The following GSE1 variants were observed in gnomAD, a reference collection of about 807,000 sequenced individuals.
The protein encoded by GSE1 is genetic suppressor element 1.
Under a neutral mutation model 112.6 loss-of-function variants are expected in GSE1, and 32 were observed. That is an observed-to-expected ratio of 0.28 (90% CI 0.21 to 0.38). The LOEUF (loss-of-function observed/expected upper bound fraction) is 0.38, where lower values mean the gene tolerates loss of function less well. GSE1 is among the 10% of genes least tolerant of loss of function. The pLI is 1.00. For synonymous variants in GSE1, 1,115 were observed against 735.6 expected (o/e 1.52, Z -8.35); for missense variants, 2,348 against 1,699.2 (o/e 1.38, Z -6.71).
intron 1 of GSE1, among the ~76,000 whole-genome samples, chr16:85,274,795 C>T (rs1442276740): frequency 6.6e-6 from 1 of 152,222 alleles, no homozygotes; most frequent in Non-Finnish European, 1.5e-5. Flanking sequence ...CCCCCAGCAG[C>T]AGGTCACCTG....
intron 1 of GSE1, among the ~76,000 whole-genome samples, chr16:85,615,588 G>A (rs1598393008): frequency 1.3e-5 from 2 of 152,126 alleles, no homozygotes; most frequent in African/African-American, 4.8e-5. Flanking sequence ...GGTGACCTAG[G>A]GTCAGCCCTG....
At chr16:85,525,803 T>C (rs1316104757) in intron 2 of GSE1, among the ~76,000 whole-genome samples, 1 of 152,196 alleles carries the variant, frequency 6.6e-6, no homozygotes, top group African/African-American at 2.4e-5. Context: ...TTTCTTCCTA[T>C]AATGCCACCC....
At chr16:85,388,329 T>TGTATGGCTGGGTAGATG (rs1208326396) in intron 2 of GSE1, among the ~76,000 whole-genome samples, 1 of 78,244 alleles carries the variant, frequency 1.3e-5, no homozygotes, top group Non-Finnish European at 2.6e-5. Flanking sequence ...GATGGATGGA[T>TGTATGGCTGGGTAGATG]GAATGGATGT....
chr16:85,639,299 C>A lies in GSE1; in HGVS notation c.226+5167C>A, dbSNP rs564486796. Among the ~76,000 whole-genome samples the A allele has an allele frequency of 2.6e-5, 4 of 152,326 alleles. No individual in the cohort carries two copies. The East Asian group carries it at 7.7e-4, about 29-fold the overall frequency. The stretch of plus-strand genomic sequence containing the variant: ...CTTGGGTACAAGCAGGGACCTGTCC[C>A]CTCCTCGGAATGGCGGCCTGGCCAC... On this transcript the variant is annotated intron_variant, in intron 2 of 15. Coordinates refer to ENST00000253458, the MANE Select transcript of GSE1 (RefSeq NM_014615.5).
At chr16:85,656,877 T>C (rs957591269) in intron 7 of GSE1, among the ~76,000 whole-genome samples, 1 of 152,192 alleles carries the variant, frequency 6.6e-6, no homozygotes, top group African/African-American at 2.4e-5. Context: ...AGGAGGACAG[T>C]TGTGAAATGT....
chr16:85,552,553 C>A (rs908109598), upstream of GSE1, among the ~76,000 whole-genome samples: 17 of 149,026 alleles, frequency 1.1e-4, no homozygotes, highest in African/African-American at 3.4e-4. Flanking sequence ...AGGATGGTCT[C>A]GATCTCCTGA....
At chr16:85,227,994 G>C (rs192667597) in intron 1 of GSE1, among the ~76,000 whole-genome samples, 1 of 152,332 alleles carries the variant, frequency 6.6e-6, no homozygotes, top group Admixed American at 6.5e-5. Context: ...GGGTGTGGTG[G>C]GGAGCAGGGC....
intron 1 of GSE1, among the ~76,000 whole-genome samples, chr16:85,352,398 A>G (rs1038489511): frequency 1.3e-5 from 2 of 152,206 alleles, no homozygotes; most frequent in African/African-American, 4.8e-5. Context: ...GCATTTTCCC[A>G]GCCTGGCCAG....
chr16:85,349,554 C>T (rs1047870089), intron 1 of GSE1, among the ~76,000 whole-genome samples: 4 of 152,188 alleles, frequency 2.6e-5, no homozygotes, highest in African/African-American at 9.6e-5. Flanking sequence ...GGCCTCTGGC[C>T]AGCCCGGGAG....
At chr16:85,495,416 C>T (rs1386793163) in intron 2 of GSE1, among the ~76,000 whole-genome samples, 2 of 151,514 alleles carry the variant, frequency 1.3e-5, no homozygotes, top group Non-Finnish European at 2.9e-5. Flanking sequence ...CAGATGAGAA[C>T]ATGCTGGGAA....
chr16:85,222,214 C>T (rs1370235928), intron 1 of GSE1, among the ~76,000 whole-genome samples: 2 of 152,218 alleles, frequency 1.3e-5, no homozygotes, highest in Non-Finnish European at 2.9e-5. Flanking sequence ...CAGCCTCTCC[C>T]TCCAGTGAAC....
chr16:85,513,804 C>T (rs1007637064), intron 2 of GSE1, among the ~76,000 whole-genome samples: 2 of 151,938 alleles, frequency 1.3e-5, no homozygotes, highest in Non-Finnish European at 2.9e-5. Context: ...ACACTGCAGA[C>T]CGGGGAGGGG....
chr16:85,176,690 C>T (rs74034155), intron 1 of GSE1, among the ~76,000 whole-genome samples: 19,290 of 152,314 alleles, frequency 0.13, 1,515 homozygotes, highest in Middle Eastern at 0.23. Flanking sequence ...CAGCCTCTCA[C>T]TGTGGGGATG....
chr16:85,443,354 C>T (rs1445219887), intron 2 of GSE1, among the ~76,000 whole-genome samples: 1 of 152,206 alleles, frequency 6.6e-6, no homozygotes, highest in Non-Finnish European at 1.5e-5. Flanking sequence ...TGGCCCAGAG[C>T]CTGGCCTGGC....
chr16:85,589,791 ATG>A (rs747806430), intron 1 of GSE1, among the ~76,000 whole-genome samples: 21 of 151,934 alleles, frequency 1.4e-4, no homozygotes, highest in African/African-American at 2.4e-4. Context: ...ATGTGTGAAT[ATG>A]TGTGAGACGT....
intron 1 of GSE1, among the ~76,000 whole-genome samples, chr16:85,279,978 C>T (rs78964977): frequency 0.061 from 9,337 of 152,250 alleles, 909 homozygotes; most frequent in African/African-American, 0.21. Flanking sequence ...TCAGTTCTCC[C>T]CACACACAGA....
chr16:85,170,187 G>A (rs979209404), exon 1 of GSE1: 1 of 985,244 alleles, frequency 1.0e-6, no homozygotes, highest in Non-Finnish European at 1.2e-6. Flanking sequence ...GACCCGCTCC[G>A]GGACAGGGCG....
chr16:85,607,358 C>T (rs1444548878), upstream of GSE1, among the ~76,000 whole-genome samples: 1 of 152,216 alleles, frequency 6.6e-6, no homozygotes, highest in East Asian at 1.9e-4. Flanking sequence ...CTTTTACTCC[C>T]TCTCCCGCCC....
chr16:85,300,729 T>A (rs751717520), intron 1 of GSE1, among the ~76,000 whole-genome samples: 5 of 152,192 alleles, frequency 3.3e-5, no homozygotes, highest in Non-Finnish European at 5.9e-5. Context: ...CACCAGGCAT[T>A]TTCACCTCCT....
Sources: allele counts gnomAD v4.1 joint callset (sites outside exome capture counted in the v4.1 genomes callset), GRCh38; gene constraint gnomAD v4.1.1; transcripts MANE v1.5; gene names NCBI Gene and HGNC (gene_info 2026-07-23, HGNC 2026-07-21).